The following ACBD6 variants were observed in gnomAD, a reference collection of about 807,000 sequenced individuals.
The protein encoded by ACBD6 is acyl-CoA-binding domain-containing protein 6.
In ACBD6, 28 loss-of-function variants were observed where a neutral mutation model predicts 37.2. The observed-to-expected ratio is 0.75, with a 90% CI of 0.56 to 1.03. ACBD6 has a LOEUF of 1.03. Among genes scored for constraint, ACBD6 ranks in the 50% least tolerant of loss-of-function variants. ACBD6 has a pLI of 0.00. For missense variants in ACBD6, 340 were observed against 337.4 expected, an observed-to-expected ratio of 1.01 and a Z score of -0.06; for synonymous variants, 113 against 126.8, an observed-to-expected ratio of 0.89 and a Z score of 0.73.
intron 6 of ACBD6, among the ~76,000 whole-genome samples, chr1:180,318,835 G>T (rs919894033): frequency 4.6e-5 from 7 of 152,152 alleles, no homozygotes; most frequent in African/African-American, 1.7e-4. Context: ...CCCAGTGTTG[G>T]TTTAAACTTA....
At chr1:180,313,704 A>G (rs1038393673) in intron 7 of ACBD6, among the ~76,000 whole-genome samples, 2 of 152,092 alleles carry the variant, frequency 1.3e-5, no homozygotes, top group Non-Finnish European at 2.9e-5. Context: ...ACCCAAATAG[A>G]ATCTTTTTTC....
chr1:180,329,768 T>C (rs1034564784), intron 6 of ACBD6, among the ~76,000 whole-genome samples: 1 of 152,184 alleles, frequency 6.6e-6, no homozygotes, highest in African/African-American at 2.4e-5. Context: ...TGGTGATCTG[T>C]AGCCCGTGCA....
chr1:180,456,593 T>C (rs1649933640), intron 3 of ACBD6, among the ~76,000 whole-genome samples: 1 of 152,200 alleles, frequency 6.6e-6, no homozygotes, highest in South Asian at 2.1e-4. Flanking sequence ...ATTTCTTTGA[T>C]GAGAGACTGA....
At chr1:180,378,934 C>T (rs1379494851) in intron 6 of ACBD6, among the ~76,000 whole-genome samples, 1 of 152,062 alleles carries the variant, frequency 6.6e-6, no homozygotes, top group African/African-American at 2.4e-5. Flanking sequence ...CCTAGGGGCT[C>T]GAGAACACAC....
chr1:180,414,959 C>T (rs932953445), intron 4 of ACBD6, among the ~76,000 whole-genome samples: 4 of 152,132 alleles, frequency 2.6e-5, no homozygotes, highest in Non-Finnish European at 5.9e-5. Context: ...CCATTAAAAA[C>T]ACCATGTTTC....
chr1:180,439,585 G>A (rs1468451688), intron 3 of ACBD6, among the ~76,000 whole-genome samples: 4 of 149,366 alleles, frequency 2.7e-5, no homozygotes, highest in Non-Finnish European at 4.4e-5. Flanking sequence ...GCGAGACTCC[G>A]TCTCAAAAAA....
Position 180,495,953 on chromosome 1 carries a change from TAAC to T in ACBD6, c.223-431_223-429del, listed in dbSNP as rs1651721821. The stretch of plus-strand genomic sequence containing the variant: ...CACTGTTTCTTCATGCTGATTCTCA[TAAC>T]GCTATTAGCATTTTAACTCTCCAAA... On this transcript the variant is annotated intron_variant, in intron 1 of 7. Coordinates refer to ENST00000367595, the MANE Select transcript of ACBD6 (RefSeq NM_032360.4). Among the ~76,000 whole-genome samples, 3 of 152,202 alleles carry T rather than the reference TAAC, an allele frequency of 2.0e-5. No homozygotes were observed. The South Asian group carries it at 6.2e-4, about 31-fold the overall frequency.
chr1:180,449,386 C>A (rs1210356820), intron 3 of ACBD6, among the ~76,000 whole-genome samples: 69 of 151,282 alleles, frequency 4.6e-4, no homozygotes, highest in Non-Finnish European at 1.8e-4. Flanking sequence ...AACGGAGCAA[C>A]ATATCACTGA....
intron 5 of ACBD6, among the ~76,000 whole-genome samples, chr1:180,404,046 G>A (rs915452732): frequency 1.3e-5 from 2 of 152,060 alleles, no homozygotes; most frequent in Non-Finnish European, 2.9e-5. Flanking sequence ...CACCTCCTGG[G>A]TTCAAGAGAT....
exon 14 of ACBD6, chr1:180,271,102 G>A (rs1648622215): frequency 1.9e-6 from 1 of 517,924 alleles, no homozygotes; most frequent in East Asian, 3.5e-5. Context: ...AATCTGATGA[G>A]ACTTCTGTGC....
At chr1:180,471,173 G>A (rs1395321227) in intron 3 of ACBD6, among the ~76,000 whole-genome samples, 1 of 152,094 alleles carries the variant, frequency 6.6e-6, no homozygotes, top group Non-Finnish European at 1.5e-5. Flanking sequence ...GCTGAGGTGG[G>A]CAGATCTCTT....
intron 6 of ACBD6, among the ~76,000 whole-genome samples, chr1:180,370,611 TATATAC>T (rs1010002706): frequency 2.0e-5 from 3 of 152,182 alleles, no homozygotes; most frequent in Admixed American, 2.0e-4. Context: ...ACACAAGTAT[TATATAC>T]ATATAAAGTG....
Position 180,500,522 on chromosome 1 carries a change from G to A in ACBD6, c.222+1523C>T, listed in dbSNP as rs112824291. Among the ~76,000 whole-genome samples, 494 of 151,650 alleles carry A rather than the reference G, an allele frequency of 3.3e-3. 2 individuals carry two copies. The highest frequency in any genetic ancestry group is 0.014 in the Middle Eastern group (4 of 294). On this transcript the variant is annotated intron_variant, in intron 1 of 7. Coordinates refer to ENST00000367595, the MANE Select transcript of ACBD6 (RefSeq NM_032360.4). Reference sequence around the variant, plus strand: ...AGCCTGGCGAACATGATGAAACCCCGTCTCTTCTAAAAATACAAGAAATTA... The same window carrying A: ...AGCCTGGCGAACATGATGAAACCCCATCTCTTCTAAAAATACAAGAAATTA...
At chr1:180,380,872 A>G (rs1013437969) in intron 6 of ACBD6, among the ~76,000 whole-genome samples, 8 of 152,210 alleles carry the variant, frequency 5.3e-5, no homozygotes, top group African/African-American at 1.9e-4. Context: ...TCATATATCA[A>G]TAATAACCTT....
intron 3 of ACBD6, among the ~76,000 whole-genome samples, chr1:180,481,137 G>C (rs1651026264): frequency 6.6e-6 from 1 of 151,946 alleles, no homozygotes; most frequent in African/African-American, 2.4e-5. Context: ...CTTTAAATAG[G>C]GCATGCACTT....
At chr1:180,349,464 C>A (rs1652321142) in intron 6 of ACBD6, among the ~76,000 whole-genome samples, 1 of 151,814 alleles carries the variant, frequency 6.6e-6, no homozygotes, top group Non-Finnish European at 1.5e-5. Flanking sequence ...ACCGTGTTAG[C>A]CAGGATGGTC....
At chr1:180,501,620 G>A (rs978598382) in intron 1 of ACBD6, among the ~76,000 whole-genome samples, 1 of 152,144 alleles carries the variant, frequency 6.6e-6, no homozygotes, top group Non-Finnish European at 1.5e-5. Flanking sequence ...GCCCAGCCCT[G>A]CATCACATTA....
chr1:180,492,494 G>C, intron 2 of ACBD6, 129 bp from the exon 3 acceptor site: 1 of 746,494 alleles, frequency 1.3e-6, no homozygotes, highest in Non-Finnish European at 2.3e-6. Flanking sequence ...GCTATGGATA[G>C]AGAAGCTCTG....
At chr1:180,340,479 A>T in intron 6 of ACBD6, among the ~76,000 whole-genome samples, 1 of 152,090 alleles carries the variant, frequency 6.6e-6, no homozygotes, top group East Asian at 1.9e-4. Context: ...TATGGGAAAG[A>T]AGGAATTAGA....
Sources: allele counts gnomAD v4.1 joint callset (sites outside exome capture counted in the v4.1 genomes callset), GRCh38; gene constraint gnomAD v4.1.1; transcripts MANE v1.5; gene names NCBI Gene and HGNC (gene_info 2026-07-23, HGNC 2026-07-21).